Variants in CCDC178 observed in about 807,000 individuals in gnomAD.
CCDC178 encodes the protein coiled-coil domain-containing protein 178.
In CCDC178, 126 loss-of-function variants were observed where a neutral mutation model predicts 117.4. The observed-to-expected ratio is 1.07, with a 90% CI of 0.93 to 1.24. The LOEUF is 1.24. CCDC178 is among the 50% of genes most tolerant of loss of function. The pLI is 0.00. For missense variants in CCDC178, 1,030 were observed against 986.9 expected (o/e 1.04, Z -0.59); for synonymous variants, 283 against 313.4 (o/e 0.90, Z 1.02).
At position 33,323,619 on chromosome 18, in the gene CCDC178, G is replaced by T. The variant is rs1364166899; in HGVS notation, c.894C>A (p.His298Gln). The change falls in exon 11 of 23, where the codon CAC becomes CAA. Residue 298 changes from histidine to glutamine, a missense_variant. Transcript: ENST00000383096. ...CTTCAAGTTCTTCATTAACTTTTCTGTGTAGGTCCATTACCTAGAAATGAA... is the reference window on the plus strand; with the variant it reads ...CTTCAAGTTCTTCATTAACTTTTCTTTGTAGGTCCATTACCTAGAAATGAA... ...YKKKMEVMDL[H>Q]RKVNEELEEA... 6.6e-7 allele frequency: 1 copy of T among 1,522,964 alleles called. No homozygotes were observed. The highest frequency in any genetic ancestry group is 1.8e-4 in the Middle Eastern group (1 of 5,686). 94.3% of individuals were successfully genotyped at this position (1,522,964 alleles called of 1,614,324 possible).
intron 5 of CCDC178, among the ~76,000 whole-genome samples, chr18:33,374,340 A>G (rs1262174781): frequency 2.6e-5 from 4 of 152,220 alleles, no homozygotes; most frequent in African/African-American, 9.6e-5. Flanking sequence ...ACTCTTCACA[A>G]AAGACAATAT....
chr18:32,944,208 G>C (rs1156897857), intron 22 of CCDC178, among the ~76,000 whole-genome samples: 2 of 152,156 alleles, frequency 1.3e-5, no homozygotes, highest in Non-Finnish European at 2.9e-5. Flanking sequence ...GTTTTGAGGA[G>C]AGAAATACCA....
intron 7 of CCDC178, among the ~76,000 whole-genome samples, chr18:33,351,175 T>TGA (rs1422316626): frequency 6.6e-6 from 1 of 151,278 alleles, no homozygotes; most frequent in Non-Finnish European, 1.5e-5. Flanking sequence ...TGTGTGTGTG[T>TGA]GTGTGTGTAT....
chr18:33,247,147 C>T (rs929888145), intron 14 of CCDC178, among the ~76,000 whole-genome samples: 1 of 150,734 alleles, frequency 6.6e-6, no homozygotes, highest in South Asian at 2.1e-4. Flanking sequence ...AGAAAAGAGA[C>T]CTGCTTATTT....
chr18:32,940,339 ACTTTT>A (rs1351174827), intron 22 of CCDC178, among the ~76,000 whole-genome samples: 1 of 151,948 alleles, frequency 6.6e-6, no homozygotes, highest in Non-Finnish European at 1.5e-5. Flanking sequence ...ACTTTTATCA[ACTTTT>A]CTTTTTTTGC....
intron 11 of CCDC178, 99 bp downstream of exon 11, chr18:33,323,392 T>G (rs2062541629): frequency 1.4e-6 from 1 of 726,776 alleles, no homozygotes; most frequent in Non-Finnish European, 1.9e-6. Flanking sequence ...AATTTTATTT[T>G]TCTCTTTATC....
intron 21 of CCDC178, among the ~76,000 whole-genome samples, chr18:33,080,869 T>C (rs895311976): frequency 2.6e-5 from 4 of 152,158 alleles, no homozygotes; most frequent in African/African-American, 9.7e-5. Context: ...CACAGAAAAG[T>C]AAACATTCTA....
chr18:33,381,385 T>TTA (rs2063437299), intron 5 of CCDC178, among the ~76,000 whole-genome samples: 1 of 152,020 alleles, frequency 6.6e-6, no homozygotes, highest in African/African-American at 2.4e-5. Flanking sequence ...TACTCTGGTT[T>TTA]TATATATATA....
intron 21 of CCDC178, among the ~76,000 whole-genome samples, chr18:32,985,264 TAAA>T (rs1336135059): frequency 6.6e-6 from 1 of 152,004 alleles, no homozygotes; most frequent in Non-Finnish European, 1.5e-5. Flanking sequence ...TTATTTGTTT[TAAA>T]CAATTTGCAA....
chr18:33,338,132 C>T (rs1177987239), intron 9 of CCDC178, among the ~76,000 whole-genome samples: 1 of 152,032 alleles, frequency 6.6e-6, no homozygotes, highest in Non-Finnish European at 1.5e-5. Context: ...ATGCAAATGG[C>T]CAACAAACAT....
At chr18:32,982,139 A>C (rs2095159424) in intron 21 of CCDC178, among the ~76,000 whole-genome samples, 1 of 152,118 alleles carries the variant, frequency 6.6e-6, no homozygotes, top group South Asian at 2.1e-4. Flanking sequence ...ACTTTGGATA[A>C]AATTAAATCA....
chr18:33,414,669 G>C (rs1025055318), intron 2 of CCDC178, among the ~76,000 whole-genome samples: 1 of 152,154 alleles, frequency 6.6e-6, no homozygotes, highest in Non-Finnish European at 1.5e-5. Context: ...AACACCAAAA[G>C]CAATGGCAAC....
chr18:33,429,169 C>A (rs1261168664), intron 2 of CCDC178, among the ~76,000 whole-genome samples: 5 of 151,930 alleles, frequency 3.3e-5, no homozygotes, highest in South Asian at 2.1e-4. Context: ...AAAGATACTG[C>A]AAATGTGGAT....
intron 20 of CCDC178, among the ~76,000 whole-genome samples, chr18:33,101,100 T>C (rs149004425): frequency 1.2e-3 from 182 of 151,934 alleles, no homozygotes; most frequent in East Asian, 7.8e-3. Context: ...TAATTGTGTA[T>C]TAAATAAACT....
chr18:33,084,409 A>G (rs1209092732), intron 21 of CCDC178, among the ~76,000 whole-genome samples: 1 of 152,202 alleles, frequency 6.6e-6, no homozygotes, highest in African/African-American at 2.4e-5. Context: ...GAAGATTACA[A>G]TGACATATTC....
chr18:33,160,100 C>G (rs559660626), intron 20 of CCDC178, among the ~76,000 whole-genome samples: 1 of 152,106 alleles, frequency 6.6e-6, no homozygotes, highest in South Asian at 2.1e-4. Flanking sequence ...GGAATATGGC[C>G]CTCAGGAAAG....
intron 14 of CCDC178, among the ~76,000 whole-genome samples, chr18:33,260,583 T>C (rs1183456366): frequency 1.3e-5 from 2 of 151,870 alleles, no homozygotes; most frequent in Non-Finnish European, 2.9e-5. Context: ...ACCTTTTCTC[T>C]GTCTTAATGG....
intron 6 of CCDC178, among the ~76,000 whole-genome samples, chr18:33,369,359 C>T (rs2063265162): frequency 6.6e-6 from 1 of 151,606 alleles, no homozygotes; most frequent in African/African-American, 2.4e-5. Context: ...TTGTAAGTGG[C>T]CCATCAGAAT....
At chr18:33,406,434 AAGACTACT>A (rs1453785970) in intron 3 of CCDC178, among the ~76,000 whole-genome samples, 3 of 152,072 alleles carry the variant, frequency 2.0e-5, no homozygotes, top group African/African-American at 7.2e-5. Context: ...CATAATATGA[AAGACTACT>A]ATATAAAATA....
Sources: gnomAD v4.1 joint callset for allele counts (sites outside exome capture counted in the v4.1 genomes callset) on GRCh38, gnomAD v4.1.1 for gene constraint, MANE v1.5 for transcripts, NCBI Gene and HGNC (gene_info 2026-07-23, HGNC 2026-07-21) for gene names.